Variants in PPA2 observed in about 807,000 individuals in gnomAD.
PPA2 encodes inorganic pyrophosphatase 2, mitochondrial.
In PPA2, 48 loss-of-function variants were observed where a neutral mutation model predicts 49.5. That is an observed-to-expected ratio of 0.97 (90% CI 0.77 to 1.23). PPA2 has a LOEUF of 1.23. Ranked by LOEUF, PPA2 falls within the 50% of genes most tolerant of loss-of-function variation. The probability of loss-of-function intolerance (pLI) is 0.00; values close to 1 mark genes in which losing one functional copy is unlikely to be tolerated. For missense variants in PPA2, 429 were observed against 410.1 expected, an observed-to-expected ratio of 1.05 and a Z score of -0.40; for synonymous variants, 131 against 139.9, an observed-to-expected ratio of 0.94 and a Z score of 0.45.
intron 10 of PPA2, among the ~76,000 whole-genome samples, chr4:105,378,928 A>T (rs1733365944): frequency 6.6e-6 from 1 of 152,144 alleles, no homozygotes; most frequent in Non-Finnish European, 1.5e-5. Context: ...AAAGCCTTGA[A>T]ATCAGGAAAA....
intron 7 of PPA2, among the ~76,000 whole-genome samples, chr4:105,419,964 T>A (rs897883763): frequency 3.3e-5 from 5 of 151,926 alleles, no homozygotes; most frequent in Non-Finnish European, 5.9e-5. Flanking sequence ...TCTTTTTTTT[T>A]TTCGTTTGTT....
At chr4:105,386,544 T>G (rs375565262) in intron 10 of PPA2, 23 bp downstream of exon 10, 6 of 1,586,592 alleles carry the variant, frequency 3.8e-6, no homozygotes, top group Non-Finnish European at 5.2e-6. Context: ...GATTAAAGGA[T>G]GTCTTGGATG....
At chr4:105,369,818 A>G in intron 11 of PPA2, 65 bp from the exon 12 acceptor site, 1 of 1,414,492 alleles carries the variant, frequency 7.1e-7, no homozygotes, top group South Asian at 1.2e-5. Context: ...GGGAGTGATT[A>G]ATCAAATTTA....
rs575134383 is a variant in PPA2 at position 105,414,946 on chromosome 4, G to C, written c.655+9250C>G. 9.9e-5 allele frequency among the ~76,000 whole-genome samples: 15 copies of C among 152,260 alleles called. No individual in the cohort carries two copies. The South Asian group carries it at 2.9e-3, about 29-fold the overall frequency. On this transcript the variant is annotated intron_variant, in intron 7 of 11. Transcript: ENST00000341695. Reference sequence around the variant, plus strand: ...ACAGGTAGGTCATCCCATTGAGCCTGAGGCCCACTGAGACTACAGCCCTCA... The same window carrying C: ...ACAGGTAGGTCATCCCATTGAGCCTCAGGCCCACTGAGACTACAGCCCTCA...
intron 4 of PPA2, among the ~76,000 whole-genome samples, chr4:105,449,082 T>G (rs1447753350): frequency 7.2e-6 from 1 of 139,282 alleles, no homozygotes; most frequent in African/African-American, 3.1e-5. Flanking sequence ...CCGGGCGTAG[T>G]GGCGGGCGCC....
chr4:105,414,889 C>G (rs1238951852), intron 7 of PPA2, among the ~76,000 whole-genome samples: 1 of 152,118 alleles, frequency 6.6e-6, no homozygotes, highest in East Asian at 1.9e-4. Flanking sequence ...CAGTACAGCT[C>G]GCAGAAGATC....
intron 7 of PPA2, among the ~76,000 whole-genome samples, chr4:105,407,640 A>G (rs1722544046): frequency 6.6e-6 from 1 of 152,218 alleles, no homozygotes; most frequent in Admixed American, 6.5e-5. Flanking sequence ...AAAATGGAAG[A>G]CCGTTCAATA....
intron 6 of PPA2, among the ~76,000 whole-genome samples, chr4:105,429,579 A>G (rs1290560440): frequency 1.3e-5 from 2 of 152,234 alleles, no homozygotes; most frequent in African/African-American, 4.8e-5. Context: ...AGGCACCAAG[A>G]AAGTGGACCT....
At chr4:105,420,443 G>A (rs1052904460) in intron 7 of PPA2, among the ~76,000 whole-genome samples, 2 of 151,942 alleles carry the variant, frequency 1.3e-5, no homozygotes, top group African/African-American at 2.4e-5. Flanking sequence ...CAATAAAAAC[G>A]TATAGGAAAT....
At chr4:105,445,658 T>C (rs1287273551) in intron 5 of PPA2, among the ~76,000 whole-genome samples, 2 of 152,106 alleles carry the variant, frequency 1.3e-5, no homozygotes, top group Non-Finnish European at 2.9e-5. Context: ...AGATGGTCTA[T>C]GGTTTTTATA....
chr4:105,466,705 G>A (rs1164206266), intron 1 of PPA2, among the ~76,000 whole-genome samples: 2 of 152,166 alleles, frequency 1.3e-5, no homozygotes, highest in Non-Finnish European at 1.5e-5. Flanking sequence ...CAAATGCACG[G>A]TTTGACCTTT....
chr4:105,424,464 A>C (rs992377709), intron 6 of PPA2, 142 bp from the exon 7 acceptor site: 15 of 776,884 alleles, frequency 1.9e-5, no homozygotes. Flanking sequence ...GAAAATAGCC[A>C]AAGTCTGCCT....
intron 6 of PPA2, among the ~76,000 whole-genome samples, chr4:105,427,191 A>G (rs1485863500): frequency 1.3e-5 from 2 of 152,212 alleles, no homozygotes; most frequent in East Asian, 3.8e-4. Flanking sequence ...AACCCCATCC[A>G]TAGGTCACCA....
chr4:105,410,426 AT>A (rs1359577653), intron 7 of PPA2, among the ~76,000 whole-genome samples: 1 of 152,262 alleles, frequency 6.6e-6, no homozygotes, highest in East Asian at 1.9e-4. Context: ...AAAAGACCAA[AT>A]CTACGTTTGA....
At chr4:105,429,872 T>C (rs910317628) in intron 6 of PPA2, among the ~76,000 whole-genome samples, 2 of 152,146 alleles carry the variant, frequency 1.3e-5, no homozygotes, top group South Asian at 2.1e-4. Flanking sequence ...TAAATGATAT[T>C]GACAAAACAG....
At position 105,369,424 on chromosome 4, in the gene PPA2, C is replaced by T; in HGVS notation, c.*301G>A. ...ATTTTTAATAGAGATGGGGTTTCAA[C>T]ATACTGGCCAGGCTGGTCTTGAACT... is the stretch of plus-strand genomic sequence containing the variant. On this transcript the variant is annotated 3_prime_UTR_variant, in exon 12 of 12. Transcript: ENST00000341695. The T allele has an allele frequency of 3.6e-6, 1 of 274,764 alleles. No individual in the cohort carries two copies. The highest frequency in any genetic ancestry group is 6.9e-6 in the Non-Finnish European group (1 of 144,614). The allele number at this position is 274,764 out of a possible 1,614,324, so 17.0% of individuals were successfully genotyped here.
rs560110053 is a variant in PPA2, at chr4:105,413,691, T to C, written c.655+10505A>G. 8.5e-5 allele frequency among the ~76,000 whole-genome samples: 13 copies of C among 152,252 alleles called. No individual in the cohort carries two copies. The East Asian group carries it at 1.2e-3, about 14-fold the overall frequency. On this transcript the variant is annotated intron_variant, in intron 7 of 11. Coordinates refer to ENST00000341695, the MANE Select transcript of PPA2 (RefSeq NM_176869.3). ...CCAAAACAGGAGGAAGAAAATGACT[T>C]TTTCTGTTCAGCAGTGTTAGAAAAA...
intron 5 of PPA2, among the ~76,000 whole-genome samples, chr4:105,444,694 TTTTTTA>T (rs1268033090): frequency 6.6e-6 from 1 of 152,174 alleles, no homozygotes; most frequent in African/African-American, 2.4e-5. Context: ...ATAGGTTTGC[TTTTTTA>T]TTTTTTTCAT....
intron 7 of PPA2, among the ~76,000 whole-genome samples, chr4:105,407,432 G>C (rs2110244546): frequency 6.6e-6 from 1 of 152,294 alleles, no homozygotes; most frequent in Middle Eastern, 3.4e-3. Context: ...CAATTTGACA[G>C]TTTCTTACAA....
Sources: gnomAD v4.1 joint callset for allele counts (sites outside exome capture counted in the v4.1 genomes callset) on GRCh38, gnomAD v4.1.1 for gene constraint, MANE v1.5 for transcripts, NCBI Gene and HGNC (gene_info 2026-07-23, HGNC 2026-07-21) for gene names.